The following VAPB variants were observed in gnomAD, a reference collection of about 807,000 sequenced individuals.
VAPB encodes the protein vesicle-associated membrane protein-associated protein B/C.
Under a neutral mutation model 25.6 loss-of-function variants are expected in VAPB, and 7 were observed. That is an observed-to-expected ratio of 0.27 (90% confidence interval 0.16 to 0.51). The LOEUF (loss-of-function observed/expected upper bound fraction) is 0.51. VAPB is among the 20% of genes least tolerant of loss of function. The probability of loss-of-function intolerance (pLI) is 0.97; values close to 1 mark genes in which losing one functional copy is unlikely to be tolerated. For synonymous variants in VAPB, 112 were observed against 109.2 expected (o/e 1.03, Z -0.16); for missense variants, 266 against 301.3 (o/e 0.88, Z 0.87).
chr20:58,426,140 C>A (rs546205075), intron 2 of VAPB, among the ~76,000 whole-genome samples: 1 of 152,248 alleles, frequency 6.6e-6, no homozygotes, highest in South Asian at 2.1e-4. Context: ...AAGTGATCTG[C>A]CTACCTCGGC....
At chr20:58,427,666 G>A (rs1482310623) in intron 2 of VAPB, among the ~76,000 whole-genome samples, 1 of 152,088 alleles carries the variant, frequency 6.6e-6, no homozygotes, top group African/African-American at 2.4e-5. Flanking sequence ...GCAGGCAGAA[G>A]TGATCTGTGA....
intron 2 of VAPB, among the ~76,000 whole-genome samples, chr20:58,422,876 C>T (rs913851830): frequency 2.0e-5 from 3 of 152,120 alleles, no homozygotes; most frequent in Admixed American, 1.3e-4. Flanking sequence ...TGCAAAATAT[C>T]TGTGTGTGGA....
chr20:58,411,617 A>G (rs919858925), intron 1 of VAPB, among the ~76,000 whole-genome samples: 4 of 152,272 alleles, frequency 2.6e-5, no homozygotes, highest in Admixed American at 6.5e-5. Flanking sequence ...GTTTTTGGTG[A>G]GGTGGCTGTT....
intron 2 of VAPB, among the ~76,000 whole-genome samples, chr20:58,425,699 C>T (rs1988769136): frequency 6.6e-6 from 1 of 151,848 alleles, no homozygotes; most frequent in Admixed American, 6.6e-5. Context: ...GTACCCTGGG[C>T]CAGCAGCAGC....
chr20:58,402,944 G>A (rs1988134629), intron 1 of VAPB, among the ~76,000 whole-genome samples: 1 of 152,140 alleles, frequency 6.6e-6, no homozygotes, highest in South Asian at 2.1e-4. Context: ...GGTGGAAGCT[G>A]CAGTGAGTCA....
intron 3 of VAPB, among the ~76,000 whole-genome samples, chr20:58,437,643 G>T (rs981347414): frequency 3.3e-5 from 5 of 152,006 alleles, no homozygotes; most frequent in Non-Finnish European, 7.4e-5. Context: ...TATTTTTTTT[G>T]ACTTATGTGG....
At chr20:58,437,021 A>G (rs1202893842) in intron 3 of VAPB, among the ~76,000 whole-genome samples, 6 of 43,072 alleles carry the variant, frequency 1.4e-4, no homozygotes, top group Admixed American at 6.4e-4. Context: ...TTTTTTTGAG[A>G]CAAAGTCTTG....
At chr20:58,429,154 T>TC (rs146260649) in intron 2 of VAPB, among the ~76,000 whole-genome samples, 24,619 of 151,306 alleles carry the variant, frequency 0.16, 2,129 homozygotes, top group East Asian at 0.31. Context: ...TTTTTTTTTT[T>TC]CCAAAGCAGA....
At chr20:58,438,842 C>A (rs1568719067) in intron 3 of VAPB, 103 bp from the exon 4 acceptor site, 2 of 953,978 alleles carry the variant, frequency 2.1e-6, no homozygotes, top group African/African-American at 3.3e-5. Context: ...TACATCAGGG[C>A]TTTCTCATTA....
At chr20:58,418,473 TCCACCCCACCC>T (rs1442057028) in intron 2 of VAPB, 110 bp downstream of exon 2, 4 of 1,373,794 alleles carry the variant, frequency 2.9e-6, no homozygotes, top group Non-Finnish European at 2.9e-6. Context: ...TAGAATTCTC[TCCACCCCACCC>T]CCACCCCACC....
In VAPB at chr20:58,450,143, A is replaced by AAT. The variant is rs765382257; in HGVS notation, c.*5908_*5909insAT. 77 of 454,128 alleles carry AAT rather than the reference A, an allele frequency of 1.7e-4. No homozygotes were observed. Among genetic ancestry groups the AAT allele is most frequent in the South Asian group, 1.1e-3 (70 of 64,480 alleles). The allele number at this position is 454,128 out of a possible 1,614,324, so 28.1% of individuals were successfully genotyped here. On this transcript the variant is annotated 3_prime_UTR_variant, in exon 6 of 6. Coordinates refer to ENST00000475243, the MANE Select transcript of VAPB (RefSeq NM_004738.5). ...CTGTTTCTCCGAACTGGCTGCCTGC[A>AAT]TTCCCGTCTTTCTTTTGTTTTTAAG...
At chr20:58,429,622 G>C (rs528744739) in intron 2 of VAPB, among the ~76,000 whole-genome samples, 1 of 152,174 alleles carries the variant, frequency 6.6e-6, no homozygotes, top group Non-Finnish European at 1.5e-5. Flanking sequence ...AGGAGCATAG[G>C]GAACGCCCAT....
At chr20:58,406,804 A>G (rs1402784455) in intron 1 of VAPB, among the ~76,000 whole-genome samples, 2 of 152,222 alleles carry the variant, frequency 1.3e-5, no homozygotes, top group African/African-American at 2.4e-5. Flanking sequence ...TAACTTGAGC[A>G]TATTATCTGT....
At chr20:58,429,696 G>A (rs184745541) in intron 2 of VAPB, among the ~76,000 whole-genome samples, 1 of 152,222 alleles carries the variant, frequency 6.6e-6, no homozygotes, top group South Asian at 2.1e-4. Context: ...GGCCAGGTAC[G>A]TCCCGAAAAC....
chr20:58,401,726 G>GT (rs1390469764), intron 1 of VAPB, among the ~76,000 whole-genome samples: 1 of 152,000 alleles, frequency 6.6e-6, no homozygotes, highest in Non-Finnish European at 1.5e-5. Context: ...TCTTTTACCA[G>GT]TACCCTTCGC....
intron 1 of VAPB, among the ~76,000 whole-genome samples, chr20:58,389,766 A>T (rs1987742795): frequency 6.6e-6 from 1 of 152,166 alleles, no homozygotes; most frequent in Admixed American, 6.5e-5. Context: ...GCCTCCTGGG[A>T]CTTGCCTTCG....
chr20:58,444,246 C>T lies in VAPB; in HGVS notation c.*11C>T. 1 of 1,614,122 alleles carries T rather than the reference C, an allele frequency of 6.2e-7. No homozygotes were observed. Among genetic ancestry groups the T allele is most frequent in the South Asian group, 1.1e-5 (1 of 91,070 alleles). ...AAGATTGCCTTGTAGAGGTAGCATGCACAGGATGGTAAATTGGATTGGTGG... is the reference window on the plus strand; with the variant it reads ...AAGATTGCCTTGTAGAGGTAGCATGTACAGGATGGTAAATTGGATTGGTGG... On this transcript the variant is annotated 3_prime_UTR_variant, in exon 6 of 6. Transcript: ENST00000475243.
At chr20:58,437,189 C>T (rs1011253945) in intron 3 of VAPB, among the ~76,000 whole-genome samples, 5 of 151,582 alleles carry the variant, frequency 3.3e-5, no homozygotes, top group Non-Finnish European at 5.9e-5. Context: ...TGGTCTTGAA[C>T]TTCTGGGCTC....
chr20:58,393,731 G>GTTTTGTTTTGTTTT (rs1227745203), intron 1 of VAPB, among the ~76,000 whole-genome samples: 2 of 151,824 alleles, frequency 1.3e-5, no homozygotes, highest in Non-Finnish European at 1.5e-5. Flanking sequence ...GTTTTGTTTT[G>GTTTTGTTTTGTTTT]TTTTGTTTTG....
Sources: allele counts gnomAD v4.1 joint callset (sites outside exome capture counted in the v4.1 genomes callset), GRCh38; gene constraint gnomAD v4.1.1; transcripts MANE v1.5; gene names NCBI Gene and HGNC (gene_info 2026-07-23, HGNC 2026-07-21).